PARP8: variants seen among roughly 807,000 people sequenced by gnomAD.
The protein encoded by PARP8 is protein mono-ADP-ribosyltransferase PARP8.
Under a neutral mutation model 124.1 loss-of-function variants are expected in PARP8, and 51 were observed. The observed-to-expected ratio is 0.41, with a 90% CI of 0.33 to 0.52. PARP8 has a LOEUF of 0.52. Ranked by LOEUF, PARP8 falls within the 20% of genes least tolerant of loss-of-function variation. The probability of loss-of-function intolerance (pLI) is 0.21; values close to 1 mark genes in which losing one functional copy is unlikely to be tolerated. For missense variants in PARP8, 860 were observed against 1,018.9 expected, an observed-to-expected ratio of 0.84 and a Z score of 2.12; for synonymous variants, 391 against 361.5, an observed-to-expected ratio of 1.08 and a Z score of -0.93.
chr5:50,819,262 A>G lies in PARP8; in HGVS notation c.1669-1951A>G, dbSNP rs1325342840. ...ATTTACTACCCATTATTACATTATA[A>G]TTTACTTAAATATACTAGTAAAAAT... On this transcript the variant is annotated intron_variant, in intron 15 of 25. Coordinates refer to ENST00000281631, the MANE Select transcript of PARP8 (RefSeq NM_024615.4). Among the ~76,000 whole-genome samples the G allele has an allele frequency of 1.3e-5, 2 of 152,052 alleles. 1 individual carries two copies. The highest frequency in any genetic ancestry group is 4.8e-5 in the African/African-American group (2 of 41,384).
chr5:50,672,344 T>G (rs560155434), intron 2 of PARP8, among the ~76,000 whole-genome samples: 1 of 152,352 alleles, frequency 6.6e-6, no homozygotes, highest in South Asian at 2.1e-4. Flanking sequence ...TCTAGCCCAG[T>G]ATTCTTCTAA....
rs144274499 is a variant in PARP8 at position 50,718,607 on chromosome 5, A to G, written c.147-31544A>G. ...GTGACTGGCTTATTTTACATAGCAT[A>G]ATGTCCTCCAGTTCCATCCATGTTA... On this transcript the variant is annotated intron_variant, in intron 2 of 25. Coordinates refer to ENST00000281631, the MANE Select transcript of PARP8 (RefSeq NM_024615.4). Among the ~76,000 whole-genome samples, 57 of 152,120 alleles carry G rather than the reference A, an allele frequency of 3.7e-4. 1 individual carries two copies. In the East Asian group the frequency reaches 9.7e-3, roughly 26 times the overall value.
rs115753658 is a variant in PARP8, at chr5:50,821,076, C to T, written c.1669-137C>T. On this transcript the variant is annotated intron_variant, in intron 15 of 25. Coordinates refer to ENST00000281631, the MANE Select transcript of PARP8 (RefSeq NM_024615.4). ...AGTTTGGTCAAATGTGGTCTCAAGT[C>T]TTGCATTACACATTTGAGAGATTGG... 2.8e-3 allele frequency: 2,619 copies of T among 947,442 alleles called. 6 individuals carry two copies. The highest frequency in any genetic ancestry group is 3.6e-3 in the Non-Finnish European group (2,274 of 623,888). The allele number at this position is 947,442 out of a possible 1,614,324, so 58.7% of individuals were successfully genotyped here.
At chr5:50,744,982 T>C in intron 2 of PARP8, 1 of 511,506 alleles carries the variant, frequency 2.0e-6, no homozygotes, top group East Asian at 3.0e-5. Context: ...ATTAGATCCT[T>C]GAGCCAATCA....
intron 7 of PARP8, among the ~76,000 whole-genome samples, chr5:50,767,440 G>A (rs1189940488): frequency 4.6e-5 from 7 of 152,180 alleles, no homozygotes; most frequent in Non-Finnish European, 1.0e-4. Context: ...AAAGGAGAGA[G>A]CATTTTCCCA....
At position 50,795,337 on chromosome 5, in the gene PARP8, G is replaced by T. The variant is rs964513155; in HGVS notation, c.1348G>T (p.Ala450Ser). Residue 450 changes from alanine to serine, a missense_variant, in exon 12 of 26, where the codon GCA becomes TCA. Around this residue, in one of 2 missense-constraint regions of PARP8, gnomAD observed 517 missense variants for 544.2 expected, o/e 0.95. Transcript: ENST00000281631. ...SKTELFKEPN[A>S]EGRRLSLTSG... Reference sequence around the variant, plus strand: ...AACTGAGCTTTTCAAGGAACCTAACGCAGAGGGCAGGAGGCTCTCTCTTAC... The same window carrying T: ...AACTGAGCTTTTCAAGGAACCTAACTCAGAGGGCAGGAGGCTCTCTCTTAC... 6.2e-7 allele frequency: 1 copy of T among 1,614,108 alleles called. No homozygotes were observed.
chr5:50,788,396 C>A, intron 9 of PARP8, 127 bp from the exon 10 acceptor site: 2 of 722,498 alleles, frequency 2.8e-6, no homozygotes. Context: ...TTTAGGACTG[C>A]ATGTACACTG....
At chr5:50,789,533 A>G (rs1741708640) in intron 10 of PARP8, among the ~76,000 whole-genome samples, 1 of 152,198 alleles carries the variant, frequency 6.6e-6, no homozygotes, top group East Asian at 1.9e-4. Context: ...CACAGAGGGA[A>G]TACAGCTTTC....
chr5:50,828,153 A>G (rs1285684257), intron 20 of PARP8, 97 bp downstream of exon 20: 2 of 1,158,514 alleles, frequency 1.7e-6, no homozygotes, highest in Non-Finnish European at 2.6e-6. Flanking sequence ...ATGATCATTC[A>G]GTAGATGGTC....
At chr5:50,778,189 T>G (rs1167917601) in intron 8 of PARP8, 60 bp downstream of exon 8, 7 of 1,268,780 alleles carry the variant, frequency 5.5e-6, no homozygotes, top group African/African-American at 1.5e-5. Context: ...ATTTTATTTT[T>G]GGGGGAAATT....
At chr5:50,666,601 G>C (rs1287900460), upstream of PARP8, 1 of 149,164 alleles carries the variant, frequency 6.7e-6, no homozygotes, top group East Asian at 2.0e-4. Context: ...GCCTGGGCAC[G>C]GCTGCCGCCG....
In PARP8 at chr5:50,805,964, A is replaced by G. The variant is rs141334828; in HGVS notation, c.1575+8731A>G. Among the ~76,000 whole-genome samples, 3 of 152,122 alleles carry G rather than the reference A, an allele frequency of 2.0e-5. No individual in the cohort carries two copies. The East Asian group carries it at 5.8e-4, about 29-fold the overall frequency. On this transcript the variant is annotated intron_variant, in intron 14 of 25. Coordinates refer to ENST00000281631, the MANE Select transcript of PARP8 (RefSeq NM_024615.4). ...GGTCATCTCAACCTGCCCCACTTAG[A>G]TGCTATGTTTTCACTTTGTCAGTAC...
chr5:50,736,086 A>G (rs141051818), intron 2 of PARP8, among the ~76,000 whole-genome samples: 56 of 152,032 alleles, frequency 3.7e-4, no homozygotes, highest in South Asian at 4.2e-4. Context: ...CCAAAAAATT[A>G]GAAAGAGAAG....
intron 22 of PARP8, among the ~76,000 whole-genome samples, chr5:50,830,345 C>A (rs1447727275): frequency 6.6e-6 from 1 of 151,986 alleles, no homozygotes; most frequent in African/African-American, 2.4e-5. Flanking sequence ...CATAAAGAAG[C>A]TTTGAACATT....
intron 10 of PARP8, among the ~76,000 whole-genome samples, chr5:50,790,982 T>G (rs1404968725): frequency 6.6e-6 from 1 of 152,164 alleles, no homozygotes; most frequent in Non-Finnish European, 1.5e-5. Context: ...AATCCCATTA[T>G]TTTAGCAATC....
At position 50,842,706 on chromosome 5, in the gene PARP8, G is replaced by C. The variant is rs1039077696; in HGVS notation, c.*638G>C. On this transcript the variant is annotated 3_prime_UTR_variant, in exon 26 of 26. Transcript: ENST00000281631. Reference sequence around the variant, plus strand: ...ACACGTATGTTTTGACAAGAAAGATGGCTTAGCTTCACAATTCTATCCTCG... The same window carrying C: ...ACACGTATGTTTTGACAAGAAAGATCGCTTAGCTTCACAATTCTATCCTCG... 3 of 151,604 alleles carry C rather than the reference G, an allele frequency of 2.0e-5. No individual in the cohort carries two copies. The highest frequency in any genetic ancestry group is 4.4e-5 in the Non-Finnish European group (3 of 67,712). The allele number at this position is 151,604 out of a possible 1,614,324, so 9.4% of individuals were successfully genotyped here.
At chr5:50,825,941 G>A (rs1246735575) in intron 18 of PARP8, among the ~76,000 whole-genome samples, 4 of 152,092 alleles carry the variant, frequency 2.6e-5, no homozygotes, top group Non-Finnish European at 4.4e-5. Context: ...ATTAGGTATA[G>A]AAGCCTTCCT....
chr5:50,773,180 T>G (rs1308521801), intron 7 of PARP8, among the ~76,000 whole-genome samples: 2 of 152,240 alleles, frequency 1.3e-5, no homozygotes, highest in Non-Finnish European at 2.9e-5. Context: ...TTTAGTTTGA[T>G]GTAATCCCAT....
At chr5:50,794,743 T>G in intron 11 of PARP8, 110 bp from the exon 12 acceptor site, 1 of 963,696 alleles carries the variant, frequency 1.0e-6, no homozygotes, top group Non-Finnish European at 1.5e-6. Context: ...TATATTAAAA[T>G]GAGGTGGTAG....
Sources: gnomAD v4.1 joint callset for allele counts (sites outside exome capture counted in the v4.1 genomes callset) on GRCh38, gnomAD v4.1.1 for gene constraint, gnomAD v4.1.1 regional missense constraint, MANE v1.5 for transcripts, NCBI Gene and HGNC (gene_info 2026-07-23, HGNC 2026-07-21) for gene names.